Variants in AFG2A observed in about 807,000 individuals in gnomAD.
The protein encoded by AFG2A is AAA ATPase AFG2A.
At chr4:122,998,533 T>C in the AFG2A span, among the ~76,000 whole-genome samples, 6 of 151,354 alleles carry the variant, frequency 4.0e-5, no homozygotes, top group Non-Finnish European at 8.8e-5. Flanking sequence ...CATTATTCAA[T>C]TCCCACCTAT....
At chr4:122,996,973 G>C in the AFG2A span, among the ~76,000 whole-genome samples, 1 of 152,122 alleles carries the variant, frequency 6.6e-6, no homozygotes, top group Non-Finnish European at 1.5e-5. Flanking sequence ...TGATTGGATG[G>C]TGCCTGCCCA....
chr4:123,184,166 G>C, the AFG2A span, among the ~76,000 whole-genome samples: 14 of 152,098 alleles, frequency 9.2e-5, no homozygotes, highest in East Asian at 2.7e-3. Flanking sequence ...AAAAATATGA[G>C]ATATACATGT....
At chr4:123,069,942 A>C in the AFG2A span, among the ~76,000 whole-genome samples, 1 of 152,184 alleles carries the variant, frequency 6.6e-6, no homozygotes, top group Non-Finnish European at 1.5e-5. Flanking sequence ...CATAGTTATG[A>C]AGGATTTCAG....
the AFG2A span, among the ~76,000 whole-genome samples, chr4:123,166,789 G>C: frequency 6.6e-6 from 1 of 152,240 alleles, no homozygotes; most frequent in East Asian, 1.9e-4. Flanking sequence ...ATAATGCTAT[G>C]GATGTTACTC....
At chr4:122,926,163 G>A in the AFG2A span, among the ~76,000 whole-genome samples, 800 of 152,294 alleles carry the variant, frequency 5.3e-3, 7 homozygotes, top group African/African-American at 0.018. Flanking sequence ...GAAAGACAAG[G>A]TGGAGAATAA....
the AFG2A span, among the ~76,000 whole-genome samples, chr4:123,272,064 A>G: frequency 4.5e-3 from 686 of 152,298 alleles, 3 homozygotes; most frequent in Non-Finnish European, 5.8e-3. Flanking sequence ...GATCTTTCCT[A>G]TTAACTTATA....
At chr4:123,201,205 T>G in the AFG2A span, among the ~76,000 whole-genome samples, 1 of 152,240 alleles carries the variant, frequency 6.6e-6, no homozygotes, top group African/African-American at 2.4e-5. Context: ...TAAGTTCACC[T>G]TAGACTTACA....
the AFG2A span, among the ~76,000 whole-genome samples, chr4:122,998,409 C>G: frequency 6.6e-6 from 1 of 151,942 alleles, no homozygotes; most frequent in Non-Finnish European, 1.5e-5. Flanking sequence ...GTGCTGCACC[C>G]ATTAACTCGT....
chr4:123,077,012 ATG>A, the AFG2A span, among the ~76,000 whole-genome samples: 1 of 145,272 alleles, frequency 6.9e-6, no homozygotes, highest in Non-Finnish European at 1.5e-5. Flanking sequence ...TGGTGTGTGC[ATG>A]TGTGTAAGTG....
chr4:123,257,426 T>C, the AFG2A span, among the ~76,000 whole-genome samples: 4 of 152,208 alleles, frequency 2.6e-5, no homozygotes, highest in African/African-American at 9.6e-5. Flanking sequence ...TATGCATTTT[T>C]GACTTAGACA....
the AFG2A span, among the ~76,000 whole-genome samples, chr4:123,049,126 T>G: frequency 3.3e-5 from 5 of 152,148 alleles, no homozygotes; most frequent in Non-Finnish European, 5.9e-5. Context: ...GATCCTATGG[T>G]TTTTGTCCTT....
the AFG2A span, among the ~76,000 whole-genome samples, chr4:122,929,369 A>G: frequency 1.3e-5 from 2 of 152,232 alleles, no homozygotes; most frequent in African/African-American, 4.8e-5. Flanking sequence ...CAGTATATAT[A>G]AAAATGTATT....
the AFG2A span, among the ~76,000 whole-genome samples, chr4:123,083,301 GCTCTAT>G: frequency 6.6e-6 from 1 of 152,066 alleles, no homozygotes. Context: ...AGGAAGTTCT[GCTCTAT>G]TCCTGGTTTG....
At chr4:123,035,056 G>A in the AFG2A span, among the ~76,000 whole-genome samples, 1 of 152,218 alleles carries the variant, frequency 6.6e-6, no homozygotes, top group Non-Finnish European at 1.5e-5. Context: ...CTTGGCTGGG[G>A]AACCTGGGTT....
At chr4:123,212,490 A>G in the AFG2A span, among the ~76,000 whole-genome samples, 2 of 152,176 alleles carry the variant, frequency 1.3e-5, no homozygotes, top group African/African-American at 2.4e-5. Flanking sequence ...GGCAAAAGAA[A>G]CACCGTAAGA....
chr4:123,011,752 G>C, the AFG2A span, among the ~76,000 whole-genome samples: 5 of 152,178 alleles, frequency 3.3e-5, no homozygotes, highest in African/African-American at 9.7e-5. Flanking sequence ...CACAGGCTAA[G>C]GGAGAAGAAG....
the AFG2A span, among the ~76,000 whole-genome samples, chr4:123,213,242 C>T: frequency 2.0e-5 from 3 of 152,068 alleles, no homozygotes; most frequent in Admixed American, 6.6e-5. Flanking sequence ...AAAGCTAAAC[C>T]ATGCTAACAA....
chr4:122,972,379 T>A, the AFG2A span, among the ~76,000 whole-genome samples: 3 of 152,178 alleles, frequency 2.0e-5, no homozygotes, highest in South Asian at 6.2e-4. Context: ...ATTGGAAATG[T>A]GTCTCTTCTC....
At chr4:123,109,726 T>C in the AFG2A span, among the ~76,000 whole-genome samples, 1 of 152,170 alleles carries the variant, frequency 6.6e-6, no homozygotes. Flanking sequence ...AGTTTACTTA[T>C]ACACAGTATT....
Sources: gnomAD v4.1 joint callset for allele counts (sites outside exome capture counted in the v4.1 genomes callset) on GRCh38, gnomAD v4.1.1 for gene constraint, MANE v1.5 for transcripts, NCBI Gene and HGNC (gene_info 2026-07-23, HGNC 2026-07-21) for gene names.